Variants in CDYL observed in about 807,000 individuals in gnomAD.
CDYL encodes the protein chromodomain Y like, also known as chromodomain Y-like protein.
CDYL carries 8 observed loss-of-function variants against 47.3 expected under a neutral mutation model. That is an observed-to-expected ratio of 0.17 (90% CI 0.10 to 0.31). CDYL has a LOEUF of 0.31. CDYL is among the 10% of genes least tolerant of loss of function. The pLI, the probability that CDYL is intolerant of heterozygous loss-of-function variation, is 1.00. For synonymous variants in CDYL, 266 were observed against 265.0 expected (o/e 1.00, Z -0.04); for missense variants, 471 against 701.4 (o/e 0.67, Z 3.71).
chr6:4,932,461 C>T (rs1246777699), intron 2 of CDYL, among the ~76,000 whole-genome samples: 3 of 152,200 alleles, frequency 2.0e-5, no homozygotes, highest in Admixed American at 2.0e-4. Context: ...AGACCATCAC[C>T]TTGTGGGTGA....
At chr6:4,734,439 C>T (rs1010096737) in intron 2 of CDYL, among the ~76,000 whole-genome samples, 1 of 152,186 alleles carries the variant, frequency 6.6e-6, no homozygotes, top group Non-Finnish European at 1.5e-5. Flanking sequence ...GGTCACCAGC[C>T]AGATGGCCTG....
intron 1 of CDYL, among the ~76,000 whole-genome samples, chr6:4,801,576 G>C (rs1759226388): frequency 6.6e-6 from 1 of 152,190 alleles, no homozygotes. Context: ...GCCGCTTGTA[G>C]CTCTCCTCTG....
At chr6:4,912,991 C>G (rs1448024092) in intron 2 of CDYL, among the ~76,000 whole-genome samples, 2 of 152,236 alleles carry the variant, frequency 1.3e-5, no homozygotes, top group Non-Finnish European at 2.9e-5. Context: ...CAGCTGCTGA[C>G]TGCTCTGAGG....
intron 1 of CDYL, among the ~76,000 whole-genome samples, chr6:4,854,528 T>G (rs1262571257): frequency 6.6e-6 from 1 of 152,162 alleles, no homozygotes; most frequent in East Asian, 1.9e-4. Context: ...CTTTCAGTGG[T>G]GTCTAGAGAG....
chr6:4,876,501 T>C (rs1260257543), intron 1 of CDYL, among the ~76,000 whole-genome samples: 1 of 152,098 alleles, frequency 6.6e-6, no homozygotes, highest in Non-Finnish European at 1.5e-5. Context: ...ATTTTTTTCA[T>C]TTTGGCCATT....
chr6:4,951,835 G>T (rs1259231122), intron 5 of CDYL, among the ~76,000 whole-genome samples: 2 of 152,168 alleles, frequency 1.3e-5, no homozygotes, highest in East Asian at 1.9e-4. Context: ...CTTTGCATAT[G>T]CTGATTTTCC....
intron 3 of CDYL, among the ~76,000 whole-genome samples, chr6:4,739,912 C>G (rs11758042): frequency 2.0e-5 from 3 of 151,350 alleles, no homozygotes; most frequent in South Asian, 2.1e-4. Context: ...AAGATCATGC[C>G]ATTGCACTCC....
intron 1 of CDYL, among the ~76,000 whole-genome samples, chr6:4,885,818 A>G (rs567099365): frequency 1.3e-5 from 2 of 152,300 alleles, no homozygotes; most frequent in East Asian, 1.9e-4. Flanking sequence ...TAGCATATAC[A>G]GTTTTGTGTC....
chr6:4,707,121 C>T (rs1377336649), intron 1 of CDYL, among the ~76,000 whole-genome samples: 2 of 152,146 alleles, frequency 1.3e-5, no homozygotes, highest in Non-Finnish European at 2.9e-5. Context: ...AAGAGGTATA[C>T]ATTGCACACA....
intron 5 of CDYL, among the ~76,000 whole-genome samples, chr6:4,948,089 C>A (rs1758585131): frequency 6.6e-6 from 1 of 152,186 alleles, no homozygotes; most frequent in Non-Finnish European, 1.5e-5. Context: ...GTAAACGAGA[C>A]TGTGTCCTGC....
chr6:4,897,795 T>TTTTGTTTTG lies in CDYL; in HGVS notation c.691+5419_691+5420insGTTTTGTTT, dbSNP rs1554105988. ...CCTAGGTTTTGAAGGTTTTTGTTTT[T>TTTTGTTTTG]TTTTTTTAAATTATCCAGGCATGAG... On this transcript the variant is annotated intron_variant, in intron 2 of 6. Coordinates refer to ENST00000397588, the MANE Select transcript of CDYL (RefSeq NM_004824.4). 3.4e-3 allele frequency among the ~76,000 whole-genome samples: 34 copies of TTTTGTTTTG among 9,954 alleles called. No homozygotes were observed. The Middle Eastern group carries it at 0.22, about 65-fold the overall frequency. The allele number at this position is 9,954 out of a possible 152,430, so 6.5% of individuals were successfully genotyped here.
chr6:4,722,688 C>T (rs2127410424), intron 2 of CDYL, among the ~76,000 whole-genome samples: 1 of 152,244 alleles, frequency 6.6e-6, no homozygotes, highest in South Asian at 2.1e-4. Context: ...ACCAGCCTGA[C>T]CAACGTGGTG....
At chr6:4,707,083 A>G (rs965955399) in intron 1 of CDYL, among the ~76,000 whole-genome samples, 25 of 152,272 alleles carry the variant, frequency 1.6e-4, no homozygotes, top group African/African-American at 5.3e-4. Flanking sequence ...TAAGGAAAAG[A>G]TGCATTCCAT....
rs1173404314 is a variant in CDYL at position 4,762,645 on chromosome 6, C to CAA, written c.186+27824_186+27825dup. ...AAGGATATTCCAGATTAAAGGGTAC[C>CAA]AAAAAAAAAAAAAAAAAAAAAAAAG... On this transcript the variant is annotated intron_variant, in intron 3 of 8. Transcript: ENST00000328908. Among the ~76,000 whole-genome samples, 395 of 39,516 alleles carry CAA rather than the reference C, an allele frequency of 1.0e-2. 4 individuals carry two copies. Among genetic ancestry groups the CAA allele is most frequent in the Non-Finnish European group, 0.014 (264 of 18,338 alleles). The allele number at this position is 39,516 out of a possible 152,430, so 25.9% of individuals were successfully genotyped here.
At chr6:4,953,858 G>A (rs371037583) in intron 6 of CDYL, 40 bp from the exon 7 acceptor site, 69 of 1,594,132 alleles carry the variant, frequency 4.3e-5, no homozygotes, top group African/African-American at 3.2e-4. Context: ...GTGTCTGCCC[G>A]CATGCACCCT....
chr6:4,832,277 T>C (rs1156536686), intron 1 of CDYL, among the ~76,000 whole-genome samples: 1 of 152,200 alleles, frequency 6.6e-6, no homozygotes, highest in Non-Finnish European at 1.5e-5. Context: ...TGAGAGTTTT[T>C]AGCATGAAGC....
At position 4,911,029 on chromosome 6, in the gene CDYL, G is replaced by A. The variant is rs566825287; in HGVS notation, c.691+18650G>A. ...TTTTTTTGTATTTTTTAGTAGAGAC[G>A]GGGTTTCACCGTGGTCTCGATCTCT... On this transcript the variant is annotated intron_variant, in intron 2 of 6. Coordinates refer to ENST00000397588, the MANE Select transcript of CDYL (RefSeq NM_004824.4). 1.1e-4 allele frequency among the ~76,000 whole-genome samples: 16 copies of A among 151,988 alleles called. 1 individual carries two copies. Among genetic ancestry groups the A allele is most frequent in the South Asian group, 2.1e-4 (1 of 4,812 alleles).
chr6:4,748,589 G>A (rs908242935), intron 3 of CDYL, among the ~76,000 whole-genome samples: 1 of 151,710 alleles, frequency 6.6e-6, no homozygotes, highest in African/African-American at 2.4e-5. Context: ...GTAGGGGTAG[G>A]AGCGTGGGAG....
chr6:4,828,875 T>C (rs951176227), intron 1 of CDYL, among the ~76,000 whole-genome samples: 1 of 151,670 alleles, frequency 6.6e-6, no homozygotes, highest in Non-Finnish European at 1.5e-5. Flanking sequence ...TTAATTTTTT[T>C]CTGTTAAAAA....
Sources: gnomAD v4.1 joint callset for allele counts (sites outside exome capture counted in the v4.1 genomes callset) on GRCh38, gnomAD v4.1.1 for gene constraint, MANE v1.5 for transcripts, NCBI Gene and HGNC (gene_info 2026-07-23, HGNC 2026-07-21) for gene names.